Variants in FHIT observed in about 807,000 individuals in gnomAD.
FHIT encodes the protein fragile histidine triad diadenosine triphosphatase.
In FHIT, 19 loss-of-function variants were observed where a neutral mutation model predicts 17.9. That is an observed-to-expected ratio of 1.06 (90% CI 0.74 to 1.56). The LOEUF (loss-of-function observed/expected upper bound fraction) is 1.56. Among genes scored for constraint, FHIT ranks in the 40% most tolerant of loss-of-function variants. The pLI, the probability that FHIT is intolerant of heterozygous loss-of-function variation, is 0.00. For synonymous variants in FHIT, 81 were observed against 69.7 expected (o/e 1.16, Z -0.81); for missense variants, 248 against 189.2 (o/e 1.31, Z -1.82).
rs73836125 is a variant in FHIT, at chr3:60,787,093, T to C, written c.-18+34826A>G. ...ACTCCTTATTGTGTGATATATTATT[T>C]TGTCAGCTTCTTCTAGCTACAATTC... is the stretch of plus-strand genomic sequence containing the variant. On this transcript the variant is annotated intron_variant, in intron 4 of 9. Transcript: ENST00000492590. Among the ~76,000 whole-genome samples, 237 of 152,200 alleles carry C rather than the reference T, an allele frequency of 1.6e-3. 2 individuals are homozygous for C. The highest frequency in any genetic ancestry group is 5.5e-3 in the African/African-American group (228 of 41,542).
chr3:60,913,495 T>G (rs1706845437), intron 3 of FHIT, among the ~76,000 whole-genome samples: 1 of 152,186 alleles, frequency 6.6e-6, no homozygotes, highest in African/African-American at 2.4e-5. Flanking sequence ...CCAGATGATT[T>G]GTAGGCATAT....
intron 4 of FHIT, among the ~76,000 whole-genome samples, chr3:60,567,121 T>C (rs1411907051): frequency 3.3e-5 from 5 of 151,786 alleles, no homozygotes; most frequent in African/African-American, 9.7e-5. Flanking sequence ...TTAAAGTTCT[T>C]ATGGAACCAA....
At chr3:60,238,545 A>C (rs551505423) in intron 5 of FHIT, among the ~76,000 whole-genome samples, 1 of 151,954 alleles carries the variant, frequency 6.6e-6, no homozygotes, top group South Asian at 2.1e-4. Context: ...AAAACATTTC[A>C]CTATGCATAT....
intron 5 of FHIT, among the ~76,000 whole-genome samples, chr3:60,098,329 C>G (rs1354644692): frequency 1.2e-4 from 17 of 147,612 alleles, no homozygotes; most frequent in South Asian, 6.9e-4. Flanking sequence ...TACAGTCCCA[C>G]CAACAGTGTA....
intron 5 of FHIT, among the ~76,000 whole-genome samples, chr3:60,014,832 A>G (rs1218757152): frequency 6.6e-6 from 1 of 152,216 alleles, no homozygotes; most frequent in Non-Finnish European, 1.5e-5. Context: ...TGTTTATTCA[A>G]ATAAAGCATT....
At chr3:61,088,102 T>C (rs2106800113) in intron 2 of FHIT, among the ~76,000 whole-genome samples, 1 of 152,272 alleles carries the variant, frequency 6.6e-6, no homozygotes, top group South Asian at 2.1e-4. Flanking sequence ...CATAATCAGA[T>C]ACCTAGCCCT....
intron 3 of FHIT, among the ~76,000 whole-genome samples, chr3:60,950,603 G>A (rs1315942708): frequency 5.9e-5 from 9 of 151,296 alleles, no homozygotes; most frequent in Admixed American, 3.3e-4. Flanking sequence ...TGCAACCTCC[G>A]CCTCCTGGGT....
intron 7 of FHIT, among the ~76,000 whole-genome samples, chr3:60,001,924 C>T (rs1253940932): frequency 6.6e-6 from 1 of 152,124 alleles, no homozygotes; most frequent in Non-Finnish European, 1.5e-5. Flanking sequence ...AGCTGTTTGT[C>T]AGGGCACCAG....
rs555706978 is a variant in FHIT at position 60,089,335 on chromosome 3, T to G, written c.104-75183A>C. On this transcript the variant is annotated intron_variant, in intron 5 of 9. Transcript: ENST00000492590. ...GTATATTTTTGGGTTTTTTTTGTTG[T>G]TGGTGGTATCCTCAATAAACTATGA... is the stretch of plus-strand genomic sequence containing the variant. Among the ~76,000 whole-genome samples the G allele has an allele frequency of 3.9e-4, 59 of 152,332 alleles. 1 individual carries two copies. The South Asian group carries it at 1.0e-2, about 26-fold the overall frequency.
chr3:59,965,611 G>C (rs1224962229), intron 7 of FHIT, among the ~76,000 whole-genome samples: 3 of 152,124 alleles, frequency 2.0e-5, no homozygotes, highest in African/African-American at 7.2e-5. Context: ...CTGAGAGGTA[G>C]ACCTTGCCAG....
At chr3:60,097,194 A>G (rs997746529) in intron 5 of FHIT, among the ~76,000 whole-genome samples, 1 of 152,000 alleles carries the variant, frequency 6.6e-6, no homozygotes, top group Non-Finnish European at 1.5e-5. Context: ...TGGACTGGCA[A>G]TTTATCCCCT....
chr3:60,379,856 GA>G (rs1450444688), intron 5 of FHIT, among the ~76,000 whole-genome samples: 2 of 152,082 alleles, frequency 1.3e-5, no homozygotes, highest in African/African-American at 4.8e-5. Context: ...CTAGGTTGAA[GA>G]AAAAACAAAA....
intron 4 of FHIT, among the ~76,000 whole-genome samples, chr3:60,630,953 AAAAC>A (rs1223647327): frequency 3.1e-4 from 35 of 111,466 alleles, no homozygotes; most frequent in East Asian, 8.8e-4. Context: ...AAAAAAAAAA[AAAAC>A]ACACAGAAAT....
chr3:59,826,702 C>T (rs1700992195), intron 8 of FHIT, among the ~76,000 whole-genome samples: 1 of 152,248 alleles, frequency 6.6e-6, no homozygotes, highest in Non-Finnish European at 1.5e-5. Flanking sequence ...ATACATGCTG[C>T]TGGATGTGTG....
chr3:59,747,325 G>A lies in FHIT; in HGVS notation c.*2260C>T, dbSNP rs552146801. Among the ~76,000 whole-genome samples the A allele has an allele frequency of 9.9e-5, 15 of 152,190 alleles. No homozygotes were observed. Among genetic ancestry groups the A allele is most frequent in the African/African-American group, 3.4e-4 (14 of 41,522 alleles). On this transcript the variant is annotated 3_prime_UTR_variant, in exon 10 of 10. Transcript: ENST00000492590. ...AATGGACTCGCAATCATGGAGGAAG[G>A]CAAAAGAGGAGCAAAGCCACATCTT...
chr3:60,311,179 C>T lies in FHIT; in HGVS notation c.103+225681G>A, dbSNP rs567700199. Among the ~76,000 whole-genome samples the T allele has an allele frequency of 2.8e-4, 43 of 152,132 alleles. No individual in the cohort carries two copies. The South Asian group carries it at 8.7e-3, about 31-fold the overall frequency. On this transcript the variant is annotated intron_variant, in intron 5 of 9. Transcript: ENST00000492590. ...CTAACTCTTAAGTCTCCTTTAACCT[C>T]AAACATTACTTTGTCTTTCTGTTTT...
At chr3:60,414,995 G>A (rs1702192256) in intron 5 of FHIT, among the ~76,000 whole-genome samples, 1 of 152,120 alleles carries the variant, frequency 6.6e-6, no homozygotes, top group South Asian at 2.1e-4. Flanking sequence ...TAATGGTGTA[G>A]ATTACCAGAG....
intron 7 of FHIT, among the ~76,000 whole-genome samples, chr3:59,938,075 A>G (rs1004296451): frequency 2.0e-5 from 3 of 152,192 alleles, no homozygotes; most frequent in Non-Finnish European, 2.9e-5. Flanking sequence ...CTTTGAAATC[A>G]CCATCTTGTA....
At chr3:60,400,809 C>T (rs1559884179) in intron 5 of FHIT, among the ~76,000 whole-genome samples, 4 of 152,034 alleles carry the variant, frequency 2.6e-5, no homozygotes, top group African/African-American at 9.7e-5. Context: ...TGCGAAATCT[C>T]AGTGAGAGGA....
Sources: gnomAD v4.1 joint callset for allele counts (sites outside exome capture counted in the v4.1 genomes callset) on GRCh38, gnomAD v4.1.1 for gene constraint, MANE v1.5 for transcripts, NCBI Gene and HGNC (gene_info 2026-07-23, HGNC 2026-07-21) for gene names.